Variants in RAP1B observed in about 807,000 individuals in gnomAD.
The protein encoded by RAP1B is RAP1B, member of RAS oncogene family, also known as ras-related protein Rap-1b.
In RAP1B, 1 loss-of-function variant was observed where a neutral mutation model predicts 27.5. The ratio of observed to expected loss-of-function variants is 0.04; its 90% CI spans 0.01 to 0.17. RAP1B has a LOEUF of 0.17. Among genes scored for constraint, RAP1B ranks in the 10% least tolerant of loss-of-function variants. RAP1B has a pLI of 1.00. For synonymous variants in RAP1B, 75 were observed against 73.1 expected, an observed-to-expected ratio of 1.03 and a Z score of -0.13; for missense variants, 84 against 214.8, an observed-to-expected ratio of 0.39 and a Z score of 3.81.
intron 1 of RAP1B, chr12:68,643,119 C>CA: frequency 1.7e-6 from 1 of 586,462 alleles, no homozygotes; most frequent in Non-Finnish European, 3.0e-6. Context: ...GTTTTTCTTC[C>CA]AAAATCTCTT....
rs556730750 is a variant in RAP1B, at chr12:68,661,438, T to G, written c.*2189T>G. 8.5e-5 allele frequency: 13 copies of G among 152,130 alleles called. No homozygotes were observed. The highest frequency in any genetic ancestry group is 3.1e-4 in the African/African-American group (13 of 41,414). The allele number at this position is 152,130 out of a possible 1,614,324, so 9.4% of individuals were successfully genotyped here. A position where few individuals can be genotyped will look rare whatever the true frequency, so the allele number is the denominator to read the frequency against. ...TTCATTCATTGGACAAATTAAGTAC[T>G]TAAGTATAAAAATTGTTCTAGGCCT... On this transcript the variant is annotated 3_prime_UTR_variant, in exon 8 of 8. Transcript: ENST00000250559.
intron 1 of RAP1B, 94 bp downstream of exon 1, chr12:68,611,137 A>AGGCGCGGGCCG (rs1870538870): frequency 1.3e-5 from 2 of 149,234 alleles, no homozygotes; most frequent in Admixed American, 1.4e-4. Flanking sequence ...GGGTGCGGCG[A>AGGCGCGGGCCG]GGCGCGGGCC....
rs58656248 is a variant in RAP1B, at chr12:68,637,599, C to CAAAAAAAAAAAAAAA, written c.-26-11085_-26-11071dup. On this transcript the variant is annotated intron_variant, in intron 1 of 7. Transcript: ENST00000250559. ...GGGTGACAAGAGTAAAACTCCATCT[C>CAAAAAAAAAAAAAAA]AAAAAAAAAAAAAAAAAAAAAAAAA... Among the ~76,000 whole-genome samples the CAAAAAAAAAAAAAAA allele has an allele frequency of 4.1e-4, 14 of 34,256 alleles. 1 individual carries two copies. The highest frequency in any genetic ancestry group is 5.1e-4 in the Non-Finnish European group (11 of 21,738). 22.5% of individuals were successfully genotyped at this position (34,256 alleles called of 152,430 possible).
chr12:68,639,041 A>G (rs189267754), intron 1 of RAP1B, among the ~76,000 whole-genome samples: 20 of 152,340 alleles, frequency 1.3e-4, no homozygotes, highest in Non-Finnish European at 1.5e-5. Context: ...AACATTTTAT[A>G]ATTGAAAGGG....
At chr12:68,623,585 G>A (rs1484301751) in intron 1 of RAP1B, among the ~76,000 whole-genome samples, 1 of 152,200 alleles carries the variant, frequency 6.6e-6, no homozygotes, top group Non-Finnish European at 1.5e-5. Flanking sequence ...GTCACATTAA[G>A]TGAGAGAAAT....
At chr12:68,632,132 T>TTTTTTTG (rs1872292779) in intron 1 of RAP1B, among the ~76,000 whole-genome samples, 3 of 132,368 alleles carry the variant, frequency 2.3e-5, no homozygotes, top group African/African-American at 1.0e-4. Context: ...TGGATTTGTT[T>TTTTTTTG]TTTTTTTTTT....
intron 1 of RAP1B, among the ~76,000 whole-genome samples, chr12:68,625,691 C>T (rs1407318807): frequency 3.3e-5 from 5 of 152,064 alleles, no homozygotes; most frequent in African/African-American, 7.2e-5. Context: ...GAGGCCGAGG[C>T]GGGTGGATCA....
chr12:68,640,463 ATATAT>A (rs1194633391), intron 1 of RAP1B, among the ~76,000 whole-genome samples: 4 of 152,126 alleles, frequency 2.6e-5, no homozygotes, highest in Non-Finnish European at 5.9e-5. Flanking sequence ...AGTGCCTAAC[ATATAT>A]TAGGTACTCA....
intron 7 of RAP1B, among the ~76,000 whole-genome samples, chr12:68,658,765 C>T (rs533094459): frequency 2.0e-5 from 3 of 152,274 alleles, no homozygotes; most frequent in South Asian, 2.1e-4. Flanking sequence ...CTGCTCTGAA[C>T]GAGCTTTTTA....
At chr12:68,659,134 G>T (rs901065229) in intron 7 of RAP1B, 146 bp from the exon 8 acceptor site, 5 of 368,550 alleles carry the variant, frequency 1.4e-5, no homozygotes, top group South Asian at 6.3e-5. Flanking sequence ...GTGAATTGTG[G>T]TATGTTGCCA....
chr12:68,635,209 T>G (rs1274451839), intron 1 of RAP1B, among the ~76,000 whole-genome samples: 2 of 152,198 alleles, frequency 1.3e-5, no homozygotes, highest in Non-Finnish European at 2.9e-5. Context: ...AGAGGCAGTG[T>G]TTGGGCCCCT....
chr12:68,627,031 G>T, intron 1 of RAP1B: 1 of 1,587,282 alleles, frequency 6.3e-7, no homozygotes, highest in Non-Finnish European at 8.6e-7. Flanking sequence ...ATCTTCTGGC[G>T]GCCAGAAAAC....
intron 1 of RAP1B, among the ~76,000 whole-genome samples, chr12:68,626,140 G>A (rs1378901288): frequency 6.6e-6 from 1 of 152,128 alleles, no homozygotes. Flanking sequence ...CCATCCTTGT[G>A]GAGGGTGGTG....
chr12:68,627,017 G>T, intron 1 of RAP1B: 3 of 1,575,362 alleles, frequency 1.9e-6, no homozygotes, highest in South Asian at 2.2e-5. Flanking sequence ...TCTTTGAGAT[G>T]TGGATCTTCT....
intron 1 of RAP1B, among the ~76,000 whole-genome samples, chr12:68,628,783 T>G (rs1318630956): frequency 2.0e-5 from 3 of 152,152 alleles, no homozygotes; most frequent in African/African-American, 7.2e-5. Flanking sequence ...AAAATCAAAA[T>G]TTTAGTTTTA....
chr12:68,626,922 T>C (rs779680376), intron 1 of RAP1B: 2 of 1,557,618 alleles, frequency 1.3e-6, no homozygotes, highest in Admixed American at 1.7e-5. Flanking sequence ...GGAAATGTAC[T>C]TGACCCGACA....
intron 1 of RAP1B, among the ~76,000 whole-genome samples, chr12:68,636,011 T>G (rs1175767366): frequency 3.3e-5 from 5 of 151,872 alleles, no homozygotes; most frequent in Non-Finnish European, 7.4e-5. Context: ...CCTGAGTATC[T>G]GGGACTACAA....
At chr12:68,616,515 C>T (rs193251178) in intron 1 of RAP1B, among the ~76,000 whole-genome samples, 43 of 142,764 alleles carry the variant, frequency 3.0e-4, no homozygotes, top group African/African-American at 9.5e-4. Flanking sequence ...GGTGCAATCT[C>T]AGCTCACTGC....
intron 1 of RAP1B, among the ~76,000 whole-genome samples, chr12:68,645,164 A>G (rs1873314507): frequency 6.6e-6 from 1 of 152,158 alleles, no homozygotes; most frequent in Non-Finnish European, 1.5e-5. Flanking sequence ...AAAAATCCCT[A>G]TCCTCATGGA....
Sources: gnomAD v4.1 joint callset for allele counts (sites outside exome capture counted in the v4.1 genomes callset) on GRCh38, gnomAD v4.1.1 for gene constraint, MANE v1.5 for transcripts, NCBI Gene and HGNC (gene_info 2026-07-23, HGNC 2026-07-21) for gene names.